Variants in HPSE2 observed in about 807,000 individuals in gnomAD.
HPSE2 encodes heparanase 2 (inactive), also known as inactive heparanase-2.
Under a neutral mutation model 60.5 loss-of-function variants are expected in HPSE2, and 38 were observed. That is an observed-to-expected ratio of 0.63 (90% confidence interval 0.48 to 0.82). HPSE2 has a LOEUF of 0.82. HPSE2 is among the 40% of genes least tolerant of loss of function. HPSE2 has a pLI of 0.00. For missense variants in HPSE2, 713 were observed against 740.4 expected, an observed-to-expected ratio of 0.96 and a Z score of 0.43; for synonymous variants, 295 against 293.2, an observed-to-expected ratio of 1.01 and a Z score of -0.06.
intron 9 of HPSE2, among the ~76,000 whole-genome samples, chr10:98,520,715 C>T (rs1191275615): frequency 6.6e-6 from 1 of 152,104 alleles, no homozygotes; most frequent in Non-Finnish European, 1.5e-5. Context: ...ATTGTTGTAC[C>T]TTAAAGCCAA....
At chr10:99,097,264 G>T (rs1233675345) in intron 3 of HPSE2, among the ~76,000 whole-genome samples, 1 of 151,982 alleles carries the variant, frequency 6.6e-6, no homozygotes, top group Non-Finnish European at 1.5e-5. Context: ...AGGTAACAAA[G>T]AAAAAATAAG....
upstream of HPSE2, among the ~76,000 whole-genome samples, chr10:99,237,122 T>C (rs1409335587): frequency 4.6e-5 from 7 of 152,186 alleles, no homozygotes; most frequent in Admixed American, 3.9e-4. Flanking sequence ...CTCTAGGTCC[T>C]ATCCTGAAGC....
chr10:98,597,256 T>C lies in HPSE2; in HGVS notation c.1320+17648A>G, dbSNP rs550731458. Among the ~76,000 whole-genome samples, 68 of 152,284 alleles carry C rather than the reference T, an allele frequency of 4.5e-4. No homozygotes were observed. The South Asian group carries it at 0.014, about 31-fold the overall frequency. On this transcript the variant is annotated intron_variant, in intron 9 of 11. Coordinates refer to ENST00000370552, the MANE Select transcript of HPSE2 (RefSeq NM_021828.5). The stretch of plus-strand genomic sequence containing the variant: ...ATATCAGAGACCTTTGGCCTTCCTG[T>C]ACTTGGATATTTATATCTTTTCCCA...
chr10:99,215,186 C>T (rs2133917218), intron 2 of HPSE2, among the ~76,000 whole-genome samples: 1 of 152,296 alleles, frequency 6.6e-6, no homozygotes, highest in East Asian at 1.9e-4. Context: ...ATAGAAAAGA[C>T]ATGGAACCAA....
chr10:99,104,737 A>G (rs1235790476), intron 3 of HPSE2, among the ~76,000 whole-genome samples: 1 of 152,206 alleles, frequency 6.6e-6, no homozygotes, highest in Non-Finnish European at 1.5e-5. Context: ...CAGCCATAAA[A>G]AAGGATGAGT....
chr10:99,272,632 AAAG>A, the HPSE2 span, among the ~76,000 whole-genome samples: 1 of 150,484 alleles, frequency 6.6e-6, no homozygotes, highest in Admixed American at 6.6e-5. Flanking sequence ...ACAATTCTTA[AAAG>A]AAGATAGACA....
At chr10:98,578,629 A>G (rs1398798209) in intron 9 of HPSE2, among the ~76,000 whole-genome samples, 1 of 152,240 alleles carries the variant, frequency 6.6e-6, no homozygotes, top group Non-Finnish European at 1.5e-5. Context: ...CAAGCATACA[A>G]AAGAAATTAA....
At chr10:98,685,721 G>GT (rs200135984) in intron 6 of HPSE2, among the ~76,000 whole-genome samples, 14 of 151,880 alleles carry the variant, frequency 9.2e-5, no homozygotes, top group South Asian at 2.1e-4. Flanking sequence ...TCTTGTAAAA[G>GT]TTTTTTTTGG....
chr10:98,949,396 G>A (rs1259005266), intron 3 of HPSE2, among the ~76,000 whole-genome samples: 1 of 151,622 alleles, frequency 6.6e-6, no homozygotes, highest in Non-Finnish European at 1.5e-5. Flanking sequence ...ACCAGAGCTG[G>A]GGAAAAAATT....
chr10:98,938,036 T>C (rs1229459054), intron 3 of HPSE2, among the ~76,000 whole-genome samples: 2 of 141,924 alleles, frequency 1.4e-5, no homozygotes, highest in African/African-American at 2.9e-5. Flanking sequence ...GTCCTGTCTG[T>C]TAGAAGGAAA....
intron 3 of HPSE2, among the ~76,000 whole-genome samples, chr10:99,052,320 C>T (rs1958009193): frequency 6.7e-6 from 1 of 148,526 alleles, no homozygotes; most frequent in African/African-American, 2.5e-5. Context: ...AAGACTGAAG[C>T]CATCCCCAAG....
the HPSE2 span, among the ~76,000 whole-genome samples, chr10:99,266,372 G>A: frequency 6.6e-6 from 1 of 152,098 alleles, no homozygotes; most frequent in African/African-American, 2.4e-5. Context: ...TATAATGCTG[G>A]CTTTCTCACA....
At chr10:98,866,934 T>C (rs1952601954) in intron 3 of HPSE2, among the ~76,000 whole-genome samples, 1 of 152,064 alleles carries the variant, frequency 6.6e-6, no homozygotes, top group Admixed American at 6.6e-5. Context: ...TGTATCAACA[T>C]GAAATAATAT....
At chr10:99,299,015 G>A in the HPSE2 span, among the ~76,000 whole-genome samples, 1 of 151,914 alleles carries the variant, frequency 6.6e-6, no homozygotes, top group Admixed American at 6.6e-5. Context: ...CTAACTTAAG[G>A]GCTAGCTGTA....
At chr10:98,477,803 G>T (rs953079370) in intron 11 of HPSE2, among the ~76,000 whole-genome samples, 19 of 152,184 alleles carry the variant, frequency 1.2e-4, no homozygotes, top group African/African-American at 4.6e-4. Flanking sequence ...GGGCTGCACA[G>T]TAAAAGGTGA....
intron 3 of HPSE2, among the ~76,000 whole-genome samples, chr10:98,746,934 ACT>A (rs1386944723): frequency 6.6e-6 from 1 of 151,958 alleles, no homozygotes; most frequent in African/African-American, 2.4e-5. Context: ...GGAAAATATA[ACT>A]CTCTATTTAA....
chr10:99,154,628 G>A (rs1846448864), intron 2 of HPSE2, among the ~76,000 whole-genome samples: 1 of 151,726 alleles, frequency 6.6e-6, no homozygotes, highest in Non-Finnish European at 1.5e-5. Context: ...GGAACAACCG[G>A]TACCAGCCGC....
At chr10:98,630,835 C>A (rs763514743) in intron 7 of HPSE2, among the ~76,000 whole-genome samples, 1 of 152,114 alleles carries the variant, frequency 6.6e-6, no homozygotes, top group African/African-American at 2.4e-5. Flanking sequence ...AACTAATAAT[C>A]TCAGTATCAC....
chr10:98,526,784 C>T (rs370786500), intron 9 of HPSE2, among the ~76,000 whole-genome samples: 27 of 152,218 alleles, frequency 1.8e-4, no homozygotes, highest in African/African-American at 5.5e-4. Context: ...GTGGTCATGA[C>T]TAGACTAGGA....
Sources: allele counts gnomAD v4.1 joint callset (sites outside exome capture counted in the v4.1 genomes callset), GRCh38; gene constraint gnomAD v4.1.1; transcripts MANE v1.5; gene names NCBI Gene and HGNC (gene_info 2026-07-23, HGNC 2026-07-21).